DDX60: variants seen among roughly 807,000 people sequenced by gnomAD.
DDX60 encodes DExD/H-box helicase 60.
In DDX60, 165 loss-of-function variants were observed where a neutral mutation model predicts 212.8. The ratio of observed to expected loss-of-function variants is 0.78; its 90% CI spans 0.68 to 0.88. The LOEUF is 0.88. Ranked by LOEUF, DDX60 falls within the 40% of genes least tolerant of loss-of-function variation. DDX60 has a pLI of 0.00. For missense variants in DDX60, 1,905 were observed against 2,003.9 expected, an observed-to-expected ratio of 0.95 and a Z score of 0.94; for synonymous variants, 703 against 685.3, an observed-to-expected ratio of 1.03 and a Z score of -0.40.
chr4:168,293,610 A>G (rs1736208393), intron 7 of DDX60, among the ~76,000 whole-genome samples, 177 bp downstream of exon 7: 1 of 152,230 alleles, frequency 6.6e-6, no homozygotes, highest in Non-Finnish European at 1.5e-5. Context: ...ACATTAAATC[A>G]TTTAATGGCA....
chr4:168,258,401 A>G (rs1327340497), intron 25 of DDX60, among the ~76,000 whole-genome samples: 1 of 151,996 alleles, frequency 6.6e-6, no homozygotes, highest in African/African-American at 2.4e-5. Flanking sequence ...TTAAGCACAC[A>G]CTGCCATTGC....
intron 18 of DDX60, 144 bp downstream of exon 18, chr4:168,273,135 A>T: frequency 1.2e-6 from 1 of 857,422 alleles, no homozygotes; most frequent in East Asian, 3.0e-5. Context: ...ACAATATTAC[A>T]TTTTTTCTAA....
At chr4:168,322,296 C>T (rs1419885882), upstream of DDX60, among the ~76,000 whole-genome samples, 1 of 152,216 alleles carries the variant, frequency 6.6e-6, no homozygotes, top group Non-Finnish European at 1.5e-5. Flanking sequence ...AGAATCATCA[C>T]ATAACTACTG....
intron 1 of DDX60, among the ~76,000 whole-genome samples, chr4:168,312,517 G>A (rs1287525418): frequency 2.0e-5 from 3 of 152,102 alleles, no homozygotes; most frequent in African/African-American, 7.2e-5. Flanking sequence ...TATATCAAGA[G>A]AGGAGGAAGA....
At chr4:168,272,317 T>C (rs1284746477) in intron 18 of DDX60, among the ~76,000 whole-genome samples, 179 bp from the exon 19 acceptor site, 2 of 152,230 alleles carry the variant, frequency 1.3e-5, no homozygotes, top group South Asian at 2.1e-4. Flanking sequence ...ATTGGAACCA[T>C]ATGAAACTGA....
Position 168,273,401 on chromosome 4 carries a change from G to C in DDX60, c.2455-3C>G. The stretch of plus-strand genomic sequence containing the variant: ...GCTGCCACTTGATTAACAAGGGCCT[G>C]ATTGACAAAGAAAAAGATCCATTAG... On this transcript the variant is annotated splice_region_variant and splice_polypyrimidine_tract_variant and intron_variant, in intron 17 of 37. Transcript: ENST00000393743. 7 of 1,613,054 alleles carry C rather than the reference G, an allele frequency of 4.3e-6. No individual in the cohort carries two copies. The highest frequency in any genetic ancestry group is 5.9e-6 in the Non-Finnish European group (7 of 1,179,588).
chr4:168,245,211 A>C (rs959699885), intron 30 of DDX60, among the ~76,000 whole-genome samples: 10 of 152,194 alleles, frequency 6.6e-5, no homozygotes, highest in Non-Finnish European at 1.2e-4. Flanking sequence ...AGGAAATAAA[A>C]CATTTGAAAT....
At chr4:168,217,572 G>A (rs189118787) in intron 37 of DDX60, among the ~76,000 whole-genome samples, 97 of 152,276 alleles carry the variant, frequency 6.4e-4, no homozygotes, top group Non-Finnish European at 1.1e-3. Flanking sequence ...CATGGCAAAG[G>A]GGAATGAATT....
chr4:168,282,455 A>G (rs2149526898), intron 13 of DDX60, among the ~76,000 whole-genome samples: 1 of 152,344 alleles, frequency 6.6e-6, no homozygotes, highest in South Asian at 2.1e-4. Context: ...AAGTGAAAAT[A>G]AAAATATTTT....
chr4:168,313,170 A>C (rs1560885127), intron 1 of DDX60, among the ~76,000 whole-genome samples: 1 of 152,174 alleles, frequency 6.6e-6, no homozygotes, highest in Non-Finnish European at 1.5e-5. Flanking sequence ...GAGTTCCTAA[A>C]TCAGAATGAA....
chr4:168,275,872 G>T (rs1365221254), intron 15 of DDX60, 143 bp downstream of exon 15: 2 of 662,216 alleles, frequency 3.0e-6, no homozygotes, highest in African/African-American at 1.9e-5. Context: ...ATTACTTCAA[G>T]ATTGGGCAGT....
At position 168,316,726 on chromosome 4, in the gene DDX60, C is replaced by T. The variant is rs145878016; in HGVS notation, c.-107+1896G>A. 1.4e-4 allele frequency among the ~76,000 whole-genome samples: 22 copies of T among 151,838 alleles called. 1 individual carries two copies. In the East Asian group the frequency reaches 3.9e-3, roughly 27 times the overall value. ...ATTAACAGATCTTGGTATTTTTAAACGATAGCACAACAAAAATAGAGGCAA... is the reference window on the plus strand; with the variant it reads ...ATTAACAGATCTTGGTATTTTTAAATGATAGCACAACAAAAATAGAGGCAA... On this transcript the variant is annotated intron_variant, in intron 1 of 37. Transcript: ENST00000393743.
intron 12 of DDX60, 118 bp from the exon 13 acceptor site, chr4:168,283,724 A>C: frequency 2.9e-6 from 2 of 688,002 alleles, no homozygotes; most frequent in Non-Finnish European, 4.6e-6. Context: ...ATTTAATCTC[A>C]TTATCTTTCT....
chr4:168,314,519 A>C (rs1407210576), intron 1 of DDX60, among the ~76,000 whole-genome samples: 1 of 152,210 alleles, frequency 6.6e-6, no homozygotes, highest in African/African-American at 2.4e-5. Context: ...GAAAGAGAAA[A>C]AGAAAGCATG....
At chr4:168,254,898 G>C (rs1734345951) in intron 26 of DDX60, among the ~76,000 whole-genome samples, 1 of 152,170 alleles carries the variant, frequency 6.6e-6, no homozygotes, top group Admixed American at 6.6e-5. Context: ...AAGTGAGACT[G>C]ATCGAGTTAA....
chr4:168,243,472 A>C (rs1462203126), intron 30 of DDX60, among the ~76,000 whole-genome samples: 1 of 152,204 alleles, frequency 6.6e-6, no homozygotes, highest in African/African-American at 2.4e-5. Flanking sequence ...CTTCTCAAAA[A>C]AAGACATACA....
chr4:168,253,592 G>T (rs1162924528), intron 26 of DDX60, among the ~76,000 whole-genome samples: 1 of 152,112 alleles, frequency 6.6e-6, no homozygotes, highest in Non-Finnish European at 1.5e-5. Context: ...CTCAAGGTGG[G>T]GCAATTCTCT....
chr4:168,271,059 G>A (rs10017965), intron 19 of DDX60, among the ~76,000 whole-genome samples: 4,182 of 151,808 alleles, frequency 0.028, 205 homozygotes, highest in African/African-American at 0.095. Context: ...TGTATTTTTA[G>A]TAGAGATGGG....
intron 27 of DDX60, among the ~76,000 whole-genome samples, chr4:168,251,570 T>C (rs1734222171): frequency 6.6e-6 from 1 of 152,200 alleles, no homozygotes; most frequent in Non-Finnish European, 1.5e-5. Flanking sequence ...AGAAATACGG[T>C]TGTGTCCAGA....
Sources: allele counts gnomAD v4.1 joint callset (sites outside exome capture counted in the v4.1 genomes callset), GRCh38; gene constraint gnomAD v4.1.1; transcripts MANE v1.5; gene names NCBI Gene and HGNC (gene_info 2026-07-23, HGNC 2026-07-21).